Variants in ABTB2 observed in about 807,000 individuals in gnomAD.
ABTB2 encodes the protein ankyrin repeat and BTB/POZ domain-containing protein 2.
Under a neutral mutation model 104.1 loss-of-function variants are expected in ABTB2, and 56 were observed. The ratio of observed to expected loss-of-function variants is 0.54; its 90% CI spans 0.43 to 0.67. ABTB2 has a LOEUF of 0.67. ABTB2 is among the 30% of genes least tolerant of loss of function. The probability of loss-of-function intolerance (pLI) is 0.00; values close to 1 mark genes in which losing one functional copy is unlikely to be tolerated. For missense variants in ABTB2, 1,279 were observed against 1,407.7 expected, an observed-to-expected ratio of 0.91 and a Z score of 1.46; for synonymous variants, 606 against 608.2, an observed-to-expected ratio of 1.00 and a Z score of 0.05.
chr11:34,195,858 G>A (rs941131700), intron 3 of ABTB2, among the ~76,000 whole-genome samples: 4 of 152,228 alleles, frequency 2.6e-5, no homozygotes, highest in Non-Finnish European at 4.4e-5. Flanking sequence ...GGAGCCAGCT[G>A]TGGATCACAG....
chr11:34,273,979 C>T (rs1449923163), intron 1 of ABTB2, among the ~76,000 whole-genome samples: 2 of 150,372 alleles, frequency 1.3e-5, no homozygotes, highest in African/African-American at 2.5e-5. Flanking sequence ...GGTGAAACCC[C>T]GTCTCTACTA....
At chr11:34,271,250 C>T (rs1407768425) in intron 1 of ABTB2, among the ~76,000 whole-genome samples, 1 of 152,198 alleles carries the variant, frequency 6.6e-6, no homozygotes, top group African/African-American at 2.4e-5. Flanking sequence ...TTTCACAAGA[C>T]ACCTTTGATG....
rs1162606145 is a variant in ABTB2, at chr11:34,357,762, T to C, written c.-179A>G. On this transcript the variant is annotated 5_prime_UTR_variant, in exon 1 of 17. Transcript: ENST00000435224. ...GCCGCGGGAAGGTGGCCGAGATCCG[T>C]GGCCAGCAGGAGCCCCACGCTCCCG... The C allele has an allele frequency of 9.1e-6, 6 of 662,356 alleles. No homozygotes were observed. Among genetic ancestry groups the C allele is most frequent in the Non-Finnish European group, 1.4e-5 (6 of 423,108 alleles). 41.0% of individuals were successfully genotyped at this position (662,356 alleles called of 1,614,324 possible). A position where few individuals can be genotyped will look rare whatever the true frequency, so the allele number is the denominator to read the frequency against.
intron 1 of ABTB2, among the ~76,000 whole-genome samples, chr11:34,249,039 G>C (rs1854022134): frequency 6.6e-6 from 1 of 152,266 alleles, no homozygotes; most frequent in South Asian, 2.1e-4. Flanking sequence ...TGAGGCAAGA[G>C]ATTCGCTTGA....
intron 1 of ABTB2, among the ~76,000 whole-genome samples, chr11:34,239,686 G>A (rs1368401386): frequency 6.6e-6 from 1 of 152,132 alleles, no homozygotes; most frequent in African/African-American, 2.4e-5. Flanking sequence ...ACACAGCTAT[G>A]CAAACAGACT....
rs377260183 is a variant in ABTB2, at chr11:34,165,305, C to T, written c.1807G>A (p.Glu603Lys). 2.8e-5 allele frequency: 44 copies of T among 1,575,860 alleles called. No individual in the cohort carries two copies. The highest frequency in any genetic ancestry group is 8.1e-5 in the African/African-American group (6 of 73,798). Residue 603 changes from glutamate (E) to lysine (K), a missense_variant, in exon 8 of 17, where the codon GAG becomes AAG. Physicochemically the swap from Glu to Lys is moderately conservative, Grantham distance 56. Transcript: ENST00000435224. ...AGGGGCGTCTCCGCATAGCTGTCCT[C>T]GCCGCCGTTCACTGCCGAGCCCTCG... is the stretch of plus-strand genomic sequence containing the variant. ...HVEGSAVNGG[E>K]DSYAETPLQL...
chr11:34,221,000 G>C lies in ABTB2; in HGVS notation c.884-16310C>G, dbSNP rs138482210. Among the ~76,000 whole-genome samples, 930 of 150,512 alleles carry C rather than the reference G, an allele frequency of 6.2e-3. 12 individuals carry two copies. Among genetic ancestry groups the C allele is most frequent in the African/African-American group, 0.021 (856 of 40,948 alleles). ...TTTTTTTTTCTTTGAGAAGGAGTCT[G>C]ACTCTGTCATGCAGGCTGGAGTGGA... On this transcript the variant is annotated intron_variant, in intron 1 of 16. Coordinates refer to ENST00000435224, the MANE Select transcript of ABTB2 (RefSeq NM_145804.3).
intron 1 of ABTB2, among the ~76,000 whole-genome samples, chr11:34,232,280 C>G (rs1209943893): frequency 1.3e-5 from 2 of 152,026 alleles, no homozygotes; most frequent in Non-Finnish European, 2.9e-5. Flanking sequence ...GAAACCCCAT[C>G]TCTACTAAAA....
chr11:34,287,635 C>T (rs1352396837), intron 1 of ABTB2, among the ~76,000 whole-genome samples: 2 of 152,200 alleles, frequency 1.3e-5, no homozygotes, highest in Non-Finnish European at 2.9e-5. Flanking sequence ...CCTACTTCTT[C>T]AGAAATCTTC....
rs1854694636 is a variant in ABTB2, at chr11:34,300,734, CG to C, written c.883+55966del. On this transcript the variant is annotated intron_variant, in intron 1 of 16. Coordinates refer to ENST00000435224, the MANE Select transcript of ABTB2 (RefSeq NM_145804.3). ...AAAACTGGGGGGTGGGGGAGGTGCTCGAAGTCTTGGTACGCAATAAAGATAA... is the reference window on the plus strand; with the variant it reads ...AAAACTGGGGGGTGGGGGAGGTGCTCAAGTCTTGGTACGCAATAAAGATAA... 2.6e-5 allele frequency among the ~76,000 whole-genome samples: 4 copies of C among 152,138 alleles called. No homozygotes were observed. In the South Asian group the frequency reaches 8.3e-4, roughly 32 times the overall value.
At chr11:34,190,973 C>T (rs1853168043) in intron 3 of ABTB2, among the ~76,000 whole-genome samples, 1 of 152,194 alleles carries the variant, frequency 6.6e-6, no homozygotes, top group African/African-American at 2.4e-5. Flanking sequence ...AGCCATACTA[C>T]TATCTTCACC....
chr11:34,335,278 A>C (rs991755555), intron 1 of ABTB2: 28 of 1,299,296 alleles, frequency 2.2e-5, no homozygotes, highest in Non-Finnish European at 1.3e-5. Flanking sequence ...CAGTTTCAAA[A>C]AGATTGTTGT....
intron 1 of ABTB2, among the ~76,000 whole-genome samples, chr11:34,250,682 C>T (rs1378793866): frequency 1.3e-5 from 2 of 152,200 alleles, no homozygotes; most frequent in African/African-American, 2.4e-5. Flanking sequence ...TCCTCCCAAT[C>T]CTCAGAAGCC....
chr11:34,165,479 AC>A (rs1381953294), intron 7 of ABTB2, 123 bp from the exon 8 acceptor site: 2 of 710,952 alleles, frequency 2.8e-6, no homozygotes, highest in African/African-American at 3.6e-5. Context: ...GACACAGTTC[AC>A]CCCAGCAGCT....
At chr11:34,316,232 C>G (rs1462984621) in intron 1 of ABTB2, among the ~76,000 whole-genome samples, 1 of 152,190 alleles carries the variant, frequency 6.6e-6, no homozygotes, top group Non-Finnish European at 1.5e-5. Context: ...GTGGTCAGTC[C>G]CAGATTCTGG....
At chr11:34,303,552 C>A (rs1854733007) in intron 1 of ABTB2, among the ~76,000 whole-genome samples, 1 of 143,340 alleles carries the variant, frequency 7.0e-6, no homozygotes, top group Non-Finnish European at 1.5e-5. Flanking sequence ...GTTAGCCACA[C>A]TTTGAATGCA....
In ABTB2 at chr11:34,164,755, G is replaced by C; in HGVS notation, c.1919C>G (p.Ala640Gly). 1.3e-6 allele frequency: 2 copies of C among 1,560,788 alleles called. No individual in the cohort carries two copies. Among genetic ancestry groups the C allele is most frequent in the Non-Finnish European group, 1.7e-6 (2 of 1,163,060 alleles). ...GTGGAGGGAGGAGCCCATGCCGTGG[G>C]CCTCCAGCATGCTGAGGAGGGGGTC... Reference protein sequence around the residue: ...GADPLLSMLEAHGMGSSLHED... With the variant: ...GADPLLSMLEGHGMGSSLHED... Residue 640 changes from alanine to glycine, a missense_variant, in exon 9 of 17, where the codon GCC becomes GGC. Physicochemically the swap from Ala to Gly is moderately conservative, Grantham distance 60. Transcript: ENST00000435224.
chr11:34,241,513 A>C (rs888684255), intron 1 of ABTB2, among the ~76,000 whole-genome samples: 4 of 152,224 alleles, frequency 2.6e-5, no homozygotes, highest in African/African-American at 9.6e-5. Context: ...ATCTCTCCCA[A>C]GAGTCCAGGT....
intron 1 of ABTB2, among the ~76,000 whole-genome samples, chr11:34,222,740 C>A (rs1015802437): frequency 6.6e-6 from 1 of 152,246 alleles, no homozygotes; most frequent in African/African-American, 2.4e-5. Flanking sequence ...GACCTCGGTG[C>A]ACTGACTTCT....
Sources: allele counts gnomAD v4.1 joint callset (sites outside exome capture counted in the v4.1 genomes callset), GRCh38; gene constraint gnomAD v4.1.1; transcripts MANE v1.5; gene names NCBI Gene and HGNC (gene_info 2026-07-23, HGNC 2026-07-21).